Variants in NDUFB2 observed in about 807,000 individuals in gnomAD.
NDUFB2 encodes NADH:ubiquinone oxidoreductase subunit B2.
Under a neutral mutation model 13.4 loss-of-function variants are expected in NDUFB2, and 13 were observed. The ratio of observed to expected loss-of-function variants is 0.97; its 90% CI spans 0.63 to 1.54. The LOEUF (loss-of-function observed/expected upper bound fraction) is 1.54. Among genes scored for constraint, NDUFB2 ranks in the 40% most tolerant of loss-of-function variants. The probability of loss-of-function intolerance (pLI) is 0.00; values close to 1 mark genes in which losing one functional copy is unlikely to be tolerated. For synonymous variants in NDUFB2, 47 were observed against 50.6 expected (o/e 0.93, Z 0.30); for missense variants, 150 against 139.7 (o/e 1.07, Z -0.37).
chr7:140,701,560 G>A (rs1041645951), intron 1 of NDUFB2, among the ~76,000 whole-genome samples: 3 of 152,034 alleles, frequency 2.0e-5, no homozygotes, highest in African/African-American at 7.2e-5. Context: ...CCCAGGAGGT[G>A]CTCAGTCAGC....
rs764034958 is a variant in NDUFB2, at chr7:140,702,930, G to A, written c.163G>A (p.Val55Met). Reference sequence around the variant, plus strand: ...GTTCCCCCAGCTGACCAGATCCCAGGTGTTCCAGAGCGAGTTCTTCAGCGG... The same window carrying A: ...GTTCCCCCAGCTGACCAGATCCCAGATGTTCCAGAGCGAGTTCTTCAGCGG... ...RQFPQLTRSQ[V>M]FQSEFFSGLM... is the part of the protein sequence containing the mutation. Residue 55 changes from valine to methionine, a missense_variant, in exon 2 of 4, where the codon GTG becomes ATG. Physicochemically the swap from Val to Met is conservative, Grantham distance 21 (BLOSUM62 1). Transcript: ENST00000247866. 3.1e-6 allele frequency: 5 copies of A among 1,614,078 alleles called. No homozygotes were observed. The highest frequency in any genetic ancestry group is 4.2e-6 in the Non-Finnish European group (5 of 1,180,026).
chr7:140,702,705 A>G (rs192348044), intron 1 of NDUFB2, 161 bp from the exon 2 acceptor site: 37 of 829,080 alleles, frequency 4.5e-5, no homozygotes, highest in Non-Finnish European at 5.4e-6. Context: ...AAGCAAGCTT[A>G]GTAAAAAGTG....
chr7:140,697,394 G>A (rs976839564), intron 1 of NDUFB2: 1 of 702,920 alleles, frequency 1.4e-6, no homozygotes, highest in East Asian at 2.7e-5. Flanking sequence ...GCCGTCGGGT[G>A]AGAGGAGCAG....
intron 1 of NDUFB2, chr7:140,697,191 C>T (rs1794822371): frequency 8.2e-6 from 5 of 611,680 alleles, no homozygotes; most frequent in South Asian, 5.7e-5. Context: ...CGGGTGTGGA[C>T]GCTCCTGGAG....
chr7:140,698,920 G>A (rs1422788273), intron 1 of NDUFB2, among the ~76,000 whole-genome samples: 1 of 152,316 alleles, frequency 6.6e-6, no homozygotes, highest in Middle Eastern at 3.4e-3. Flanking sequence ...CACTTTGAGA[G>A]GCTGAGGCGG....
chr7:140,698,330 T>C, intron 1 of NDUFB2: 4 of 1,348,926 alleles, frequency 3.0e-6, no homozygotes, highest in Non-Finnish European at 3.9e-6. Context: ...TGCATAAATG[T>C]TTATGGAGCA....
intron 2 of NDUFB2, 92 bp downstream of exon 2, chr7:140,703,102 T>C: frequency 2.6e-6 from 4 of 1,515,276 alleles, no homozygotes; most frequent in Non-Finnish European, 3.6e-6. Flanking sequence ...AGACCATTTT[T>C]CTGTCTGGAC....
chr7:140,698,748 A>C lies in NDUFB2; in HGVS notation c.98+1906A>C, dbSNP rs926427934. ...TGGGAGAGACCAGGTCACAGGGACA[A>C]GTGTGGGGGCCGGATTAGAGGGGGC... On this transcript the variant is annotated intron_variant, in intron 1 of 3. Transcript: ENST00000247866. Among the ~76,000 whole-genome samples the C allele has an allele frequency of 3.3e-5, 5 of 152,046 alleles. No homozygotes were observed. The East Asian group carries it at 9.7e-4, about 29-fold the overall frequency.
chr7:140,698,041 G>A, intron 1 of NDUFB2: 1 of 1,296,800 alleles, frequency 7.7e-7, no homozygotes, highest in Non-Finnish European at 1.0e-6. Flanking sequence ...GCTAAGGACC[G>A]TACAAGTATT....
Position 140,704,931 on chromosome 7 carries a change from C to T in NDUFB2, c.315C>T (p.Asp105=). The change falls in exon 3 of 4, where the codon GAC becomes GAT. Residue 105 remains aspartate (D), a synonymous_variant. Transcript: ENST00000247866. The stretch of plus-strand genomic sequence containing the variant: ...TAGGTATCCCTCCTGATGATGAAGA[C>T]TGAAGGTGTAGACTCAGCCTCACTC... The part of the protein sequence containing the change: ...EELGIPPDDE[D] The T allele has an allele frequency of 6.3e-7, 1 of 1,595,722 alleles. No individual in the cohort carries two copies. Among genetic ancestry groups the T allele is most frequent in the Admixed American group, 1.7e-5 (1 of 57,670 alleles).
At chr7:140,702,324 G>A (rs1408724833) in intron 1 of NDUFB2, among the ~76,000 whole-genome samples, 1 of 152,146 alleles carries the variant, frequency 6.6e-6, no homozygotes, top group Non-Finnish European at 1.5e-5. Context: ...CTTGTCAAGT[G>A]TCTGAATGAA....
intron 3 of NDUFB2, chr7:140,706,051 A>ATG (rs1794965967): frequency 7.0e-6 from 1 of 142,818 alleles, no homozygotes; most frequent in African/African-American, 2.8e-5. Context: ...ATGTTATGTT[A>ATG]TGTTATGTTT....
At chr7:140,697,490 C>G in intron 1 of NDUFB2, 1 of 687,722 alleles carries the variant, frequency 1.5e-6, no homozygotes. Context: ...AGACGCAGAC[C>G]GGAGGGCGGA....
At chr7:140,697,160 C>T (rs1292948512) in intron 1 of NDUFB2, 2 of 593,524 alleles carry the variant, frequency 3.4e-6, no homozygotes, top group Admixed American at 3.1e-5. Context: ...GCGGTCCAGG[C>T]GGAGGAAGCA....
rs202028313 is a variant in NDUFB2, at chr7:140,706,031, T to TTGTTATGTTA, written c.*30-512_*30-503dup. ...TTATTTTATTTTATTTTATTTTAGT[T>TTGTTATGTTA]TGTTATGTTATGTTATGTTATGTTA... On this transcript the variant is annotated intron_variant, in intron 3 of 3. Transcript: ENST00000247866. 1.2e-3 allele frequency: 166 copies of TTGTTATGTTA among 142,218 alleles called. 1 individual carries two copies. Among genetic ancestry groups the TTGTTATGTTA allele is most frequent in the African/African-American group, 4.4e-3 (153 of 34,464 alleles). 8.8% of individuals were successfully genotyped at this position (142,218 alleles called of 1,614,324 possible).
intron 1 of NDUFB2, chr7:140,702,561 T>A (rs1563215306): frequency 3.0e-5 from 10 of 328,376 alleles, no homozygotes; most frequent in Non-Finnish European, 4.4e-5. Context: ...TCACAGTCCC[T>A]TAACTAAAAC....
intron 1 of NDUFB2, chr7:140,702,464 C>A: frequency 4.3e-6 from 1 of 230,764 alleles, no homozygotes; most frequent in Non-Finnish European, 8.4e-6. Flanking sequence ...TTGTAATAGG[C>A]AGAGGACATA....
At chr7:140,705,163 G>A in intron 3 of NDUFB2, 200 bp downstream of exon 3, 1 of 332,714 alleles carries the variant, frequency 3.0e-6, no homozygotes, top group Non-Finnish European at 5.4e-6. Flanking sequence ...GCAGTGGCGT[G>A]ATCTGGGCTC....
At chr7:140,700,411 C>T (rs1055213686) in intron 1 of NDUFB2, among the ~76,000 whole-genome samples, 4 of 151,822 alleles carry the variant, frequency 2.6e-5, no homozygotes, top group African/African-American at 9.7e-5. Context: ...GCATAAGCCA[C>T]CGTGTCCGGC....
Sources: allele counts gnomAD v4.1 joint callset (sites outside exome capture counted in the v4.1 genomes callset), GRCh38; gene constraint gnomAD v4.1.1; transcripts MANE v1.5; gene names NCBI Gene and HGNC (gene_info 2026-07-23, HGNC 2026-07-21).